AP3B1: variants seen among roughly 807,000 people sequenced by gnomAD.
AP3B1 encodes the protein adaptor related protein complex 3 subunit beta 1, also known as AP-3 complex subunit beta-1.
In AP3B1, 61 loss-of-function variants were observed where a neutral mutation model predicts 132.5. That is an observed-to-expected ratio of 0.46 (90% CI 0.37 to 0.57). The LOEUF is 0.57. Among genes scored for constraint, AP3B1 ranks in the 20% least tolerant of loss-of-function variants. The pLI, the probability that AP3B1 is intolerant of heterozygous loss-of-function variation, is 0.00. For missense variants in AP3B1, 1,120 were observed against 1,289.4 expected, an observed-to-expected ratio of 0.87 and a Z score of 2.01; for synonymous variants, 388 against 438.3, an observed-to-expected ratio of 0.89 and a Z score of 1.43.
At chr5:78,115,416 T>C (rs1751782398) in intron 18 of AP3B1, among the ~76,000 whole-genome samples, 1 of 152,194 alleles carries the variant, frequency 6.6e-6, no homozygotes, top group African/African-American at 2.4e-5. Flanking sequence ...GCTTAAGTGT[T>C]AATAAGAGCA....
At chr5:78,244,441 A>G (rs1747286398) in intron 2 of AP3B1, among the ~76,000 whole-genome samples, 1 of 152,104 alleles carries the variant, frequency 6.6e-6, no homozygotes. Flanking sequence ...AAGAAGGACT[A>G]CAAATGACTA....
chr5:78,238,388 T>C (rs1746972378), intron 3 of AP3B1, among the ~76,000 whole-genome samples: 1 of 152,128 alleles, frequency 6.6e-6, no homozygotes, highest in Admixed American at 6.5e-5. Flanking sequence ...GTAATAATAA[T>C]AGAAATAAAG....
intron 7 of AP3B1, among the ~76,000 whole-genome samples, chr5:78,193,084 A>G (rs775292858): frequency 2.0e-5 from 3 of 152,202 alleles, no homozygotes; most frequent in Non-Finnish European, 4.4e-5. Context: ...AAACTCAGAT[A>G]TATTTTTATA....
At chr5:78,245,763 C>A (rs1309095903) in intron 2 of AP3B1, among the ~76,000 whole-genome samples, 2 of 152,094 alleles carry the variant, frequency 1.3e-5, no homozygotes, top group Non-Finnish European at 2.9e-5. Flanking sequence ...GAACAAGGAG[C>A]ATAGGAATTG....
chr5:78,131,426 C>G (rs190908907), intron 15 of AP3B1, among the ~76,000 whole-genome samples: 287 of 151,998 alleles, frequency 1.9e-3, no homozygotes, highest in African/African-American at 6.6e-3. Flanking sequence ...CAGAGAAAAT[C>G]CTACTGAATG....
chr5:78,078,583 C>T (rs749578987), intron 22 of AP3B1, among the ~76,000 whole-genome samples: 4 of 152,208 alleles, frequency 2.6e-5, no homozygotes, highest in Non-Finnish European at 5.9e-5. Flanking sequence ...ATACGCATCT[C>T]CTCTTCTTCC....
chr5:78,028,888 G>A lies in AP3B1; in HGVS notation c.2894+5473C>T, dbSNP rs879780777. On this transcript the variant is annotated intron_variant, in intron 24 of 26. Transcript: ENST00000255194. ...TACTCCAATTTACTGGTGTAGAACT[G>A]TATGGTATTATTTTGTAACTTAAAA... 2.6e-5 allele frequency among the ~76,000 whole-genome samples: 4 copies of A among 152,092 alleles called. No homozygotes were observed. The East Asian group carries it at 7.7e-4, about 29-fold the overall frequency.
chr5:78,101,029 TA>T lies in AP3B1; in HGVS notation c.2398-5del, dbSNP rs1468759808. 2 of 1,465,096 alleles carry T rather than the reference TA, an allele frequency of 1.4e-6. No homozygotes were observed. The highest frequency in any genetic ancestry group is 9.5e-7 in the Non-Finnish European group (1 of 1,055,086). 90.8% of individuals were successfully genotyped at this position (1,465,096 alleles called of 1,614,324 possible). ...GCTTTGTTTTCTTTTCTTTCTCCTA[TA>T]AAATAACAAATATTTCATTTATCAC... On this transcript the variant is annotated splice_polypyrimidine_tract_variant and splice_region_variant and intron_variant, in intron 20 of 26. Transcript: ENST00000255194.
At chr5:78,140,982 G>A (rs1753120895) in intron 15 of AP3B1, among the ~76,000 whole-genome samples, 161 bp downstream of exon 15, 1 of 152,138 alleles carries the variant, frequency 6.6e-6, no homozygotes, top group Non-Finnish European at 1.5e-5. Flanking sequence ...AGACTAGAAT[G>A]TCATCTGTTT....
Position 78,113,872 on chromosome 5 carries a change from C to T in AP3B1, c.2129G>A (p.Gly710Glu), listed in dbSNP as rs777032367. Residue 710 changes from glycine (G) to glutamate (E), a missense_variant, in exon 19 of 27, where the codon GGA becomes GAA. Physicochemically the swap from Gly to Glu is moderately conservative, Grantham distance 98. Around this residue, in one of 3 missense-constraint regions of AP3B1, gnomAD observed 906 missense variants for 997.1 expected, o/e 0.91. Transcript: ENST00000255194. ...SGEQGESGEE[G>E]DSNEDSSEDS... Reference sequence around the variant, plus strand: ...CTCACTGCTGTCCTCATTGCTGTCTCCTTCCTCCCCACTTTCGCCTTGTTC... The same window carrying T: ...CTCACTGCTGTCCTCATTGCTGTCTTCTTCCTCCCCACTTTCGCCTTGTTC... 3 of 1,614,236 alleles carry T rather than the reference C, an allele frequency of 1.9e-6. No individual in the cohort carries two copies. Among genetic ancestry groups the T allele is most frequent in the Non-Finnish European group, 2.5e-6 (3 of 1,180,036 alleles).
intron 17 of AP3B1, among the ~76,000 whole-genome samples, chr5:78,118,933 T>C (rs1317630628): frequency 6.6e-6 from 1 of 152,030 alleles, no homozygotes; most frequent in South Asian, 2.1e-4. Context: ...CCAGTAGGGG[T>C]AGACTGACAC....
chr5:78,153,113 T>C (rs947648074), intron 14 of AP3B1, among the ~76,000 whole-genome samples: 3 of 152,214 alleles, frequency 2.0e-5, no homozygotes, highest in South Asian at 2.1e-4. Flanking sequence ...CTGGAAGATC[T>C]GTCCAATGCT....
intron 2 of AP3B1, among the ~76,000 whole-genome samples, chr5:78,262,479 A>G (rs1434871655): frequency 3.9e-5 from 6 of 152,210 alleles, no homozygotes; most frequent in Non-Finnish European, 8.8e-5. Flanking sequence ...TTATTTGTTG[A>G]AAAGACTGTC....
chr5:78,134,790 G>A (rs990959024), intron 15 of AP3B1, among the ~76,000 whole-genome samples: 2 of 152,116 alleles, frequency 1.3e-5, no homozygotes, highest in Admixed American at 6.5e-5. Context: ...TGATCTGCCC[G>A]TCTCGGCCTC....
At chr5:78,287,294 T>C (rs1190407100) in intron 1 of AP3B1, among the ~76,000 whole-genome samples, 1 of 152,130 alleles carries the variant, frequency 6.6e-6, no homozygotes, top group Non-Finnish European at 1.5e-5. Context: ...TATCCTACTG[T>C]CAAGAAAGAA....
intron 25 of AP3B1, among the ~76,000 whole-genome samples, chr5:78,016,341 T>C (rs1746853767): frequency 6.6e-6 from 1 of 152,050 alleles, no homozygotes; most frequent in Non-Finnish European, 1.5e-5. Context: ...CCTGTAAAAA[T>C]GTTCAGTGAA....
intron 22 of AP3B1, among the ~76,000 whole-genome samples, chr5:78,088,443 C>CTT (rs1165255029): frequency 6.6e-6 from 1 of 152,076 alleles, no homozygotes; most frequent in Admixed American, 6.6e-5. Flanking sequence ...ATGCAGATAG[C>CTT]TTTTTTTAGT....
intron 1 of AP3B1, among the ~76,000 whole-genome samples, chr5:78,284,095 T>C (rs1178477571): frequency 6.6e-6 from 1 of 152,214 alleles, no homozygotes; most frequent in African/African-American, 2.4e-5. Context: ...TCTGTGATAA[T>C]AGAAATAATC....
intron 24 of AP3B1, among the ~76,000 whole-genome samples, chr5:78,029,405 T>TCA (rs1747477256): frequency 1.3e-5 from 2 of 151,310 alleles, no homozygotes; most frequent in Admixed American, 6.6e-5. Flanking sequence ...ACACACACGC[T>TCA]CACACACACA....
Sources: allele counts gnomAD v4.1 joint callset (sites outside exome capture counted in the v4.1 genomes callset), GRCh38; gene constraint gnomAD v4.1.1; regional missense constraint gnomAD v4.1.1; transcripts MANE v1.5; gene names NCBI Gene and HGNC (gene_info 2026-07-23, HGNC 2026-07-21).